ZSCAN22: variants seen among roughly 807,000 people sequenced by gnomAD.
The protein encoded by ZSCAN22 is zinc finger and SCAN domain containing 22.
A neutral mutation model predicts 12.4 loss-of-function variants in ZSCAN22; 7 were observed. The observed-to-expected ratio is 0.57, with a 90% confidence interval of 0.32 to 1.06. ZSCAN22 has a LOEUF of 1.06. ZSCAN22 is among the 50% of genes least tolerant of loss of function. The pLI, the probability that ZSCAN22 is intolerant of heterozygous loss-of-function variation, is 0.04. For synonymous variants in ZSCAN22, 243 were observed against 255.9 expected, an observed-to-expected ratio of 0.95 and a Z score of 0.48; for missense variants, 576 against 631.7, an observed-to-expected ratio of 0.91 and a Z score of 0.94.
chr19:58,337,955 A>C (rs939050775), intron 2 of ZSCAN22, among the ~76,000 whole-genome samples: 2 of 152,270 alleles, frequency 1.3e-5, no homozygotes, highest in African/African-American at 4.8e-5. Flanking sequence ...TCTCCAGATC[A>C]GTTCCACATC....
chr19:58,336,533 G>A (rs1437110914), intron 2 of ZSCAN22, among the ~76,000 whole-genome samples: 1 of 152,010 alleles, frequency 6.6e-6, no homozygotes, highest in African/African-American at 2.4e-5. Flanking sequence ...GAAGGAAGGG[G>A]GAGACAGGGC....
At position 58,338,457 on chromosome 19, in the gene ZSCAN22, C is replaced by G. The variant is rs774289349; in HGVS notation, c.607C>G (p.His203Asp). 200 of 1,614,172 alleles carry G rather than the reference C, an allele frequency of 1.2e-4. 6 individuals carry two copies. The South Asian group carries it at 2.2e-3, about 18-fold the overall frequency. The change falls in exon 3 of 3, where the codon CAC becomes GAC. Residue 203 changes from histidine (H) to aspartate (D), a missense_variant. His to Asp is a moderately conservative substitution (Grantham distance 81). Transcript: ENST00000329665. This position sits in a 1 kb window ranked among gnomAD's most constrained non-coding sequence, Gnocchi z 5.4. The stretch of plus-strand genomic sequence containing the variant: ...GACAAAGTCTGTCACCCAACAGATC[C>G]ACTTCAAGAAAACTTCAGGGCCTTA... ...IWTKSVTQQIHFKKTSGPYKD... is the reference protein window; with the variant it reads ...IWTKSVTQQIDFKKTSGPYKD...
Position 58,335,838 on chromosome 19 carries a change from GT to G in ZSCAN22, c.403+634del, listed in dbSNP as rs1600491112. On this transcript the variant is annotated intron_variant, in intron 2 of 2. Transcript: ENST00000329665. This position sits in a 1 kb window ranked among gnomAD's most constrained non-coding sequence, Gnocchi z 4.1. ...GGGCTGGCCTCCAGGATTTGGGTGG[GT>G]CAGACCTGCCCCAGGCTCAGCTGGG... Among the ~76,000 whole-genome samples the G allele has an allele frequency of 6.6e-6, 1 of 152,328 alleles. No homozygotes were observed. Among genetic ancestry groups the G allele is most frequent in the East Asian group, 1.9e-4 (1 of 5,174 alleles).
At chr19:58,332,014 C>T (rs2051732335) in intron 1 of ZSCAN22, among the ~76,000 whole-genome samples, 2 of 152,096 alleles carry the variant, frequency 1.3e-5, no homozygotes, top group African/African-American at 2.4e-5. Flanking sequence ...GCTGGGATTA[C>T]AGGCATGCAC....
intron 1 of ZSCAN22, among the ~76,000 whole-genome samples, chr19:58,334,115 A>C (rs761712068): frequency 2.6e-5 from 4 of 152,206 alleles, no homozygotes; most frequent in Non-Finnish European, 5.9e-5. Flanking sequence ...TGGGGAACAG[A>C]GGGAGAAAGA....
At position 58,339,043 on chromosome 19, in the gene ZSCAN22, A is replaced by AC; in HGVS notation, c.1195dup (p.Gln399ProfsTer13). ...AGCCAGAGCACGCACCTGACTCAAC[A>AC]CCAGCGCATCCACACCGGGGAGAAG... On this transcript the variant is annotated frameshift_variant, in exon 3 of 3. Transcript: ENST00000329665. LOFTEE classifies it low-confidence loss of function (END_TRUNC). This position sits in a 1 kb window ranked among gnomAD's most constrained non-coding sequence, Gnocchi z 5.6. 3 of 1,614,172 alleles carry AC rather than the reference A, an allele frequency of 1.9e-6. No individual in the cohort carries two copies. Among genetic ancestry groups the AC allele is most frequent in the Non-Finnish European group, 2.5e-6 (3 of 1,180,010 alleles).
Position 58,339,175 on chromosome 19 carries a change from C to G in ZSCAN22, c.1325C>G (p.Pro442Arg). 1 of 1,614,072 alleles carries G rather than the reference C, an allele frequency of 6.2e-7. No homozygotes were observed. ...GEKPYQCKVC[P>R]KAFAQSSSLI... ...AAGCCATATCAGTGTAAGGTTTGTCCGAAGGCCTTTGCACAGAGCTCCTCC... is the reference window on the plus strand; with the variant it reads ...AAGCCATATCAGTGTAAGGTTTGTCGGAAGGCCTTTGCACAGAGCTCCTCC... The change falls in exon 3 of 3, where the codon CCG becomes CGG. Residue 442 changes from proline (P) to arginine (R), a missense_variant. Transcript: ENST00000329665. This position sits in a 1 kb window ranked among gnomAD's most constrained non-coding sequence, Gnocchi z 5.6.
In ZSCAN22 at chr19:58,340,642, G is replaced by GTT. The variant is rs374592323; in HGVS notation, c.*1330_*1331dup. 0.05 allele frequency: 6,700 copies of GTT among 133,108 alleles called. 270 individuals are homozygous for GTT. The highest frequency in any genetic ancestry group is 0.1 in the African/African-American group (3,620 of 34,892). The allele number at this position is 133,108 out of a possible 1,614,324, so 8.2% of individuals were successfully genotyped here. A position where few individuals can be genotyped will look rare whatever the true frequency, so the allele number is the denominator to read the frequency against. ...AGGCGCCTGCCACCACGCCCAGCTA[G>GTT]TTTTTTTTTTTTTTTGTATTTTTAG... On this transcript the variant is annotated 3_prime_UTR_variant, in exon 3 of 3. Coordinates refer to ENST00000329665, the MANE Select transcript of ZSCAN22 (RefSeq NM_181846.3).
intron 1 of ZSCAN22, among the ~76,000 whole-genome samples, chr19:58,330,937 G>C (rs1219696976): frequency 6.6e-6 from 1 of 152,222 alleles, no homozygotes. Context: ...TAATGGGGCT[G>C]TGCTGAACAA....
In ZSCAN22 at chr19:58,329,303, C is replaced by T. The variant is rs1460053451; in HGVS notation, c.-52+2189C>T. Among the ~76,000 whole-genome samples the T allele has an allele frequency of 6.6e-6, 1 of 152,208 alleles. No individual in the cohort carries two copies. On this transcript the variant is annotated intron_variant, in intron 1 of 2. Transcript: ENST00000329665. This position sits in a 1 kb window ranked among gnomAD's most constrained non-coding sequence, Gnocchi z 4.1. ...CCAAGGCCATTGCTCTTTCTCAGGC[C>T]TCCTGCATCTCTGTCCAGGGTGACT... is the stretch of plus-strand genomic sequence containing the variant.
At position 58,334,969 on chromosome 19, in the gene ZSCAN22, G is replaced by C; in HGVS notation, c.167G>C (p.Arg56Pro). The part of the protein sequence containing the change: ...EAARLRFRHF[R>P]YEEASGPHEA... ...GCACGCCTGCGCTTCCGGCACTTCC[G>C]CTATGAGGAGGCATCTGGTCCACAC... The change falls in exon 2 of 3, where the codon CGC (arginine) becomes CCC (proline). Residue 56 changes from arginine (R) to proline (P), a missense_variant. Transcript: ENST00000329665. 6.2e-7 allele frequency: 1 copy of C among 1,614,058 alleles called. No homozygotes were observed. Among genetic ancestry groups the C allele is most frequent in the South Asian group, 1.1e-5 (1 of 91,080 alleles).
intron 2 of ZSCAN22, among the ~76,000 whole-genome samples, chr19:58,337,318 C>A (rs1484634500): frequency 6.6e-6 from 1 of 152,050 alleles, no homozygotes; most frequent in Non-Finnish European, 1.5e-5. Flanking sequence ...AGGGACAGAA[C>A]CGCAACCTCA....
chr19:58,334,825 TGAGCCCAGTGCCGTGGGAA>T lies in ZSCAN22; in HGVS notation c.27_45del (p.Ser9ArgfsTer7), dbSNP rs1568543454. The T allele has an allele frequency of 5.6e-6, 9 of 1,609,168 alleles. No homozygotes were observed. Among genetic ancestry groups the T allele is most frequent in the Non-Finnish European group, 7.6e-6 (9 of 1,176,838 alleles). On this transcript the variant is annotated frameshift_variant, in exon 2 of 3. Coordinates refer to ENST00000329665, the MANE Select transcript of ZSCAN22 (RefSeq NM_181846.3). LOFTEE classifies it high-confidence loss of function. Reference sequence around the variant, plus strand: ...CCGATGGCCATCCCCAAGCACTCCCTGAGCCCAGTGCCGTGGGAAGAGGACAGCTTCCTTCAAGTGAAGG... The same window carrying T: ...CCGATGGCCATCCCCAAGCACTCCCTGAGGACAGCTTCCTTCAAGTGAAGG...
rs1235840468 is a variant in ZSCAN22 at position 58,339,025 on chromosome 19, G to A, written c.1175G>A (p.Ser392Asn). The A allele has an allele frequency of 1.2e-6, 2 of 1,613,880 alleles. No individual in the cohort carries two copies. The highest frequency in any genetic ancestry group is 1.7e-6 in the Non-Finnish European group (2 of 1,179,758). ...CDACGKAFSQ[S>N]THLTQHQRIH... Reference sequence around the variant, plus strand: ...GCGTGTGGGAAAGCCTTCAGCCAGAGCACGCACCTGACTCAACACCAGCGC... The same window carrying A: ...GCGTGTGGGAAAGCCTTCAGCCAGAACACGCACCTGACTCAACACCAGCGC... The change falls in exon 3 of 3, where the codon AGC (serine) becomes AAC (asparagine). Residue 392 changes from serine (S) to asparagine (N), a missense_variant. Coordinates refer to ENST00000329665, the MANE Select transcript of ZSCAN22 (RefSeq NM_181846.3). The surrounding 1 kb of genome is among the most constrained non-coding windows in gnomAD (Gnocchi z 5.6).
At chr19:58,331,362 C>T (rs773611419) in intron 1 of ZSCAN22, among the ~76,000 whole-genome samples, 52 of 138,346 alleles carry the variant, frequency 3.8e-4, no homozygotes, top group Non-Finnish European at 5.4e-4. Flanking sequence ...GATTACAGGC[C>T]CCCGCTGCCA....
In ZSCAN22 at chr19:58,335,209, A is replaced by G; in HGVS notation, c.403+4A>G. The G allele has an allele frequency of 6.3e-7, 1 of 1,576,898 alleles. No individual in the cohort carries two copies. Among genetic ancestry groups the G allele is most frequent in the Non-Finnish European group, 8.6e-7 (1 of 1,160,238 alleles). Reference sequence around the variant, plus strand: ...ACTCAGGTGCTGGACAAGAGAGGTAAAGGGGCGCCGTGGGCAGCTTCACGG... The same window carrying G: ...ACTCAGGTGCTGGACAAGAGAGGTAGAGGGGCGCCGTGGGCAGCTTCACGG... On this transcript the variant is annotated splice_donor_region_variant and intron_variant, in intron 2 of 2. Coordinates refer to ENST00000329665, the MANE Select transcript of ZSCAN22 (RefSeq NM_181846.3). This position sits in a 1 kb window ranked among gnomAD's most constrained non-coding sequence, Gnocchi z 4.1.
rs2051827512 is a variant in ZSCAN22 at position 58,338,610 on chromosome 19, T to C, written c.760T>C (p.Tyr254His). ...SEDKFDLVDA[Y>H]GTEPPYTYSG... is the part of the protein sequence containing the mutation. ...AGACAAATTTGATCTGGTGGATGCT[T>C]ATGGGACAGAGCCTCCATACACCTA... The change falls in exon 3 of 3, where the codon TAT becomes CAT. Residue 254 changes from tyrosine to histidine, a missense_variant. Tyr to His is a moderately conservative substitution (Grantham distance 83). Transcript: ENST00000329665. This position sits in a 1 kb window ranked among gnomAD's most constrained non-coding sequence, Gnocchi z 5.4. 1.2e-6 allele frequency: 2 copies of C among 1,614,076 alleles called. No individual in the cohort carries two copies. The highest frequency in any genetic ancestry group is 2.2e-5 in the East Asian group (1 of 44,894).
In ZSCAN22 at chr19:58,335,150, C is replaced by A; in HGVS notation, c.348C>A (p.Ser116Arg). 1 of 1,613,204 alleles carries A rather than the reference C, an allele frequency of 6.2e-7. No individual in the cohort carries two copies. Among genetic ancestry groups the A allele is most frequent in the Non-Finnish European group, 8.5e-7 (1 of 1,179,602 alleles). Residue 116 changes from serine (S) to arginine (R), a missense_variant, in exon 2 of 3, where the codon AGC (serine) becomes AGA (arginine). Physicochemically the swap from Ser to Arg is moderately radical, Grantham distance 110 (BLOSUM62 -1). Transcript: ENST00000329665. This position sits in a 1 kb window ranked among gnomAD's most constrained non-coding sequence, Gnocchi z 4.1. ...QAWVGAQSPK[S>R]GEEAAVLVED... ...GGGTGGGAGCCCAGAGTCCCAAGAG[C>A]GGAGAGGAAGCCGCTGTGCTGGTGG...
In ZSCAN22 at chr19:58,338,980, A is replaced by G; in HGVS notation, c.1130A>G (p.Glu377Gly). The change falls in exon 3 of 3, where the codon GAG becomes GGG. Residue 377 changes from glutamate (E) to glycine (G), a missense_variant. Coordinates refer to ENST00000329665, the MANE Select transcript of ZSCAN22 (RefSeq NM_181846.3). The surrounding 1 kb of genome is among the most constrained non-coding windows in gnomAD (Gnocchi z 5.4). ...LTQHQRVHTG[E>G]RPYECDACGK... ...CAGCACCAGCGGGTGCACACGGGGGAGCGGCCCTACGAGTGTGACGCGTGT... is the reference window on the plus strand; with the variant it reads ...CAGCACCAGCGGGTGCACACGGGGGGGCGGCCCTACGAGTGTGACGCGTGT... The G allele has an allele frequency of 6.2e-7, 1 of 1,613,178 alleles. No homozygotes were observed. Among genetic ancestry groups the G allele is most frequent in the Non-Finnish European group, 8.5e-7 (1 of 1,179,422 alleles).
Sources: allele counts gnomAD v4.1 joint callset (sites outside exome capture counted in the v4.1 genomes callset), GRCh38; gene constraint gnomAD v4.1.1; non-coding constraint Gnocchi (gnomAD v3.1); transcripts MANE v1.5; gene names NCBI Gene and HGNC (gene_info 2026-07-23, HGNC 2026-07-21).